Variants in CSMD2 observed in about 807,000 individuals in gnomAD.
CSMD2 encodes CUB and sushi domain-containing protein 2.
CSMD2 carries 130 observed loss-of-function variants against 398.5 expected under a neutral mutation model. The observed-to-expected ratio is 0.33, with a 90% CI of 0.28 to 0.38. The LOEUF (loss-of-function observed/expected upper bound fraction) is 0.38, where lower values mean the gene tolerates loss of function less well. CSMD2 is among the 10% of genes least tolerant of loss of function. The probability of loss-of-function intolerance (pLI) is 1.00; values close to 1 mark genes in which losing one functional copy is unlikely to be tolerated. For synonymous variants in CSMD2, 1,828 were observed against 1,908.5 expected (o/e 0.96, Z 1.10); for missense variants, 3,829 against 4,764.9 (o/e 0.80, Z 5.78).
chr1:34,003,770 C>A (rs1197057840), intron 3 of CSMD2, among the ~76,000 whole-genome samples: 1 of 152,160 alleles, frequency 6.6e-6, no homozygotes, highest in Non-Finnish European at 1.5e-5. Context: ...CTCTGTCATT[C>A]CAATGGTCTA....
At chr1:33,576,527 G>A (rs1178216121) in intron 49 of CSMD2, among the ~76,000 whole-genome samples, 6 of 152,144 alleles carry the variant, frequency 3.9e-5, no homozygotes, top group Non-Finnish European at 7.4e-5. Flanking sequence ...GGAGGCAGAG[G>A]TTGCAGTGAG....
chr1:33,719,849 G>A (rs1267684781), intron 19 of CSMD2, among the ~76,000 whole-genome samples: 1 of 152,146 alleles, frequency 6.6e-6, no homozygotes, highest in Non-Finnish European at 1.5e-5. Flanking sequence ...CAGCATAGTG[G>A]CTGGCACACA....
At chr1:34,011,482 C>T (rs1343622055) in intron 3 of CSMD2, among the ~76,000 whole-genome samples, 1 of 152,142 alleles carries the variant, frequency 6.6e-6, no homozygotes, top group Non-Finnish European at 1.5e-5. Context: ...TAAGAGAGTC[C>T]ATTCTTTCCC....
intron 6 of CSMD2, chr1:33,838,574 G>C (rs1660547130): frequency 6.6e-6 from 1 of 152,176 alleles, no homozygotes; most frequent in South Asian, 2.1e-4. Flanking sequence ...TTGGCACACT[G>C]GTTCCTCACC....
chr1:33,697,471 C>T (rs896311538), intron 24 of CSMD2, among the ~76,000 whole-genome samples: 1 of 152,186 alleles, frequency 6.6e-6, no homozygotes, highest in African/African-American at 2.4e-5. Context: ...GCAGAGGGTC[C>T]ACTTAGACCC....
chr1:34,110,744 A>T (rs1661000598), intron 1 of CSMD2, among the ~76,000 whole-genome samples: 2 of 152,192 alleles, frequency 1.3e-5, no homozygotes. Flanking sequence ...GGACTACCTG[A>T]GGGTGGAGAA....
intron 22 of CSMD2, among the ~76,000 whole-genome samples, chr1:33,703,694 C>G (rs561226104): frequency 1.3e-5 from 2 of 152,312 alleles, no homozygotes; most frequent in African/African-American, 2.4e-5. Context: ...GAGCATACAT[C>G]TAGCATGGAA....
At chr1:33,926,254 T>C (rs968054546) in intron 4 of CSMD2, among the ~76,000 whole-genome samples, 4 of 152,220 alleles carry the variant, frequency 2.6e-5, no homozygotes, top group Non-Finnish European at 5.9e-5. Context: ...GGTTAAGTAA[T>C]GTTCCCAAGG....
intron 1 of CSMD2, among the ~76,000 whole-genome samples, chr1:34,131,427 T>G (rs891894615): frequency 3.9e-5 from 6 of 152,210 alleles, no homozygotes; most frequent in Admixed American, 6.5e-5. Context: ...CCAGCCTGCC[T>G]GGGGATGTCC....
At chr1:33,955,074 G>A (rs1645122348) in intron 3 of CSMD2, among the ~76,000 whole-genome samples, 1 of 152,180 alleles carries the variant, frequency 6.6e-6, no homozygotes, top group Non-Finnish European at 1.5e-5. Context: ...GCCATCCCAA[G>A]GAGGAAGAGA....
At chr1:33,765,307 T>C (rs1220136928) in intron 13 of CSMD2, among the ~76,000 whole-genome samples, 1 of 152,208 alleles carries the variant, frequency 6.6e-6, no homozygotes, top group Admixed American at 6.5e-5. Flanking sequence ...TGTTTCTAGC[T>C]CTGCCAGATA....
intron 12 of CSMD2, among the ~76,000 whole-genome samples, chr1:33,781,301 C>G (rs1652733960): frequency 6.6e-6 from 1 of 152,236 alleles, no homozygotes; most frequent in Admixed American, 6.5e-5. Context: ...ATCACCTCCT[C>G]CAGGGAGACT....
At chr1:33,932,556 C>T (rs1430844300) in intron 4 of CSMD2, among the ~76,000 whole-genome samples, 1 of 152,184 alleles carries the variant, frequency 6.6e-6, no homozygotes, top group Non-Finnish European at 1.5e-5. Context: ...AGTGGTATCT[C>T]TCCACCCTGC....
In CSMD2 at chr1:33,698,866, C is replaced by T. The variant is rs530042946; in HGVS notation, c.3812G>A (p.Gly1271Glu). 1 of 1,614,176 alleles carries T rather than the reference C, an allele frequency of 6.2e-7. No homozygotes were observed. Among genetic ancestry groups the T allele is most frequent in the South Asian group, 1.1e-5 (1 of 91,072 alleles). Residue 1271 changes from glycine to glutamate, a missense_variant, in exon 24 of 71, where the codon GGG becomes GAG. By Grantham distance (98) the Gly-to-Glu change is moderately conservative. Around this residue, in one of 5 missense-constraint regions of CSMD2, gnomAD observed 2,001 missense variants for 2,567.1 expected, o/e 0.78. Coordinates refer to ENST00000373381, the MANE Select transcript of CSMD2 (RefSeq NM_001281956.2). ...YKVHDEGHFA[G>E]SSVSFSCDPG... ...GTCACAGCTGAAGGACACGGAGCTCCCTGCAAAATGACCTTCATCATGAAC... is the reference window on the plus strand; with the variant it reads ...GTCACAGCTGAAGGACACGGAGCTCTCTGCAAAATGACCTTCATCATGAAC...
At chr1:33,770,339 T>C (rs1186815439) in intron 13 of CSMD2, among the ~76,000 whole-genome samples, 1 of 152,230 alleles carries the variant, frequency 6.6e-6, no homozygotes, top group Non-Finnish European at 1.5e-5. Context: ...GTCATCTCAG[T>C]GTACCAGGCC....
At chr1:33,784,200 G>A (rs1453496238) in intron 12 of CSMD2, among the ~76,000 whole-genome samples, 2 of 152,222 alleles carry the variant, frequency 1.3e-5, no homozygotes, top group Non-Finnish European at 2.9e-5. Flanking sequence ...AGGACTGAAG[G>A]CTGAGGATAG....
At chr1:33,815,014 C>T (rs1657294610) in intron 9 of CSMD2, among the ~76,000 whole-genome samples, 1 of 151,992 alleles carries the variant, frequency 6.6e-6, no homozygotes, top group South Asian at 2.1e-4. Flanking sequence ...TGCTTTCCAT[C>T]AATTCTACCA....
chr1:33,573,219 G>T (rs1659755129), intron 49 of CSMD2, among the ~76,000 whole-genome samples: 1 of 152,130 alleles, frequency 6.6e-6, no homozygotes, highest in Middle Eastern at 3.2e-3. Flanking sequence ...AGACTTTGTG[G>T]ACCAAGATAT....
intron 3 of CSMD2, among the ~76,000 whole-genome samples, chr1:34,017,220 A>T (rs776200101): frequency 2.6e-5 from 4 of 152,186 alleles, no homozygotes; most frequent in Non-Finnish European, 5.9e-5. Flanking sequence ...AAGCTATATA[A>T]AACAACTTCT....
Sources: gnomAD v4.1 joint callset for allele counts (sites outside exome capture counted in the v4.1 genomes callset) on GRCh38, gnomAD v4.1.1 for gene constraint, gnomAD v4.1.1 regional missense constraint, MANE v1.5 for transcripts, NCBI Gene and HGNC (gene_info 2026-07-23, HGNC 2026-07-21) for gene names.